WHR1: variants seen among roughly 807,000 people sequenced by gnomAD.
WHR1 encodes winged helix repair factor 1.
the WHR1 span, chr6:31,978,933 A>G: frequency 6.2e-7 from 1 of 1,612,506 alleles, no homozygotes; most frequent in Non-Finnish European, 8.5e-7. Flanking sequence ...GGAGATCAGA[A>G]TCGTCCAGCT....
chr6:31,972,509 C>T, the WHR1 span: 1 of 1,605,972 alleles, frequency 6.2e-7, no homozygotes, highest in African/African-American at 1.3e-5. The surrounding 1 kb of genome is among the most constrained non-coding windows in gnomAD (Gnocchi z 6.3). Flanking sequence ...CGGGGTGAGC[C>T]AGGTAACCAT....
chr6:31,973,382 T>TA, the WHR1 span: 1 of 200,752 alleles, frequency 5.0e-6, no homozygotes, highest in Middle Eastern at 2.0e-3. Flanking sequence ...ACAAAGGTAT[T>TA]AGACAGTTGG....
chr6:31,980,324 T>C, the WHR1 span: 1 of 854,970 alleles, frequency 1.2e-6, no homozygotes, highest in Admixed American at 2.9e-5. Flanking sequence ...GGCTGGGATT[T>C]TGTTATCCAG....
the WHR1 span, chr6:31,980,740 G>T: frequency 1.2e-6 from 2 of 1,607,526 alleles, no homozygotes; most frequent in African/African-American, 2.7e-5. Flanking sequence ...GGCGCCTGTC[G>T]TGGTGCGGCT....
At chr6:31,972,348 C>T in the WHR1 span, 1 of 1,613,144 alleles carries the variant, frequency 6.2e-7, no homozygotes, top group Non-Finnish European at 8.5e-7. This position sits in a 1 kb window ranked among gnomAD's most constrained non-coding sequence, Gnocchi z 6.3. Flanking sequence ...CGCCGGAAGA[C>T]CCTATTTTCA....
At chr6:31,979,680 C>T in the WHR1 span, 2 of 1,341,188 alleles carry the variant, frequency 1.5e-6, no homozygotes, top group Non-Finnish European at 2.0e-6. Context: ...GCTGACTCTT[C>T]TTGTTAATAA....
the WHR1 span, chr6:31,971,480 C>A: frequency 6.2e-7 from 1 of 1,614,074 alleles, no homozygotes; most frequent in Non-Finnish European, 8.5e-7. The surrounding 1 kb of genome is among the most constrained non-coding windows in gnomAD (Gnocchi z 4.5). Flanking sequence ...TAGCGCAGGG[C>A]TCGGGCATCT....
the WHR1 span, among the ~76,000 whole-genome samples, chr6:31,976,234 C>T: frequency 3.3e-5 from 5 of 151,558 alleles, no homozygotes; most frequent in Admixed American, 2.6e-4. Flanking sequence ...CCTCACCTCC[C>T]GGACGGGGTG....
At chr6:31,971,306 C>T in the WHR1 span, 1 of 1,538,434 alleles carries the variant, frequency 6.5e-7, no homozygotes, top group Admixed American at 2.0e-5. The surrounding 1 kb of genome is among the most constrained non-coding windows in gnomAD (Gnocchi z 4.5). Flanking sequence ...TACTGCCTAC[C>T]ACGCTTTGCT....
At chr6:31,980,136 TC>T in the WHR1 span, 1 of 364,230 alleles carries the variant, frequency 2.7e-6, no homozygotes, top group Non-Finnish European at 5.0e-6. Flanking sequence ...CTGATTCCTC[TC>T]CTCGGTCCTA....
chr6:31,974,542 A>AC, the WHR1 span, among the ~76,000 whole-genome samples: 1 of 152,196 alleles, frequency 6.6e-6, no homozygotes. Flanking sequence ...ACAAAGTGAG[A>AC]CCCCATCTTT....
the WHR1 span, among the ~76,000 whole-genome samples, chr6:31,976,609 A>G: frequency 9.7e-5 from 13 of 134,382 alleles, no homozygotes; most frequent in African/African-American, 1.4e-4. Context: ...ATGGGCGGCC[A>G]GGCAGAGACG....
chr6:31,972,280 C>T, the WHR1 span: 5 of 1,613,142 alleles, frequency 3.1e-6, no homozygotes, highest in Non-Finnish European at 2.5e-6. The surrounding 1 kb of genome is among the most constrained non-coding windows in gnomAD (Gnocchi z 6.3). Flanking sequence ...GTTGACGCTC[C>T]TTTCGTCATC....
chr6:31,977,742 G>A, the WHR1 span, among the ~76,000 whole-genome samples: 2 of 151,130 alleles, frequency 1.3e-5, 1 homozygote, highest in East Asian at 3.9e-4. Flanking sequence ...CACCCTTAGC[G>A]TCCCAAAGTG....
chr6:31,971,210 A>G, the WHR1 span: 5 of 1,580,250 alleles, frequency 3.2e-6, no homozygotes, highest in East Asian at 1.1e-4. The surrounding 1 kb of genome is among the most constrained non-coding windows in gnomAD (Gnocchi z 4.5). Context: ...CTCCCCTCGA[A>G]GAATAGTCTT....
the WHR1 span, chr6:31,980,474 T>C: frequency 1.9e-6 from 3 of 1,612,986 alleles, no homozygotes; most frequent in African/African-American, 4.0e-5. Context: ...GCTGGAGTCC[T>C]CACCGTCCGA....
chr6:31,977,953 A>G, the WHR1 span, among the ~76,000 whole-genome samples: 1 of 151,378 alleles, frequency 6.6e-6, no homozygotes, highest in Non-Finnish European at 1.5e-5. Context: ...ACGCCCGGCT[A>G]ATTTTTGTAG....
the WHR1 span, among the ~76,000 whole-genome samples, chr6:31,977,389 C>T: frequency 6.7e-6 from 1 of 148,186 alleles, no homozygotes; most frequent in South Asian, 2.1e-4. Context: ...GTCACCCAGG[C>T]TGGAGTTCAG....
the WHR1 span, chr6:31,972,380 A>G: frequency 3.7e-6 from 6 of 1,612,222 alleles, no homozygotes; most frequent in Admixed American, 1.7e-5. This position sits in a 1 kb window ranked among gnomAD's most constrained non-coding sequence, Gnocchi z 6.3. Flanking sequence ...CTCCATTCCT[A>G]CCCCTTCCCC....
Sources: allele counts gnomAD v4.1 joint callset (sites outside exome capture counted in the v4.1 genomes callset), GRCh38; gene constraint gnomAD v4.1.1; non-coding constraint Gnocchi (gnomAD v3.1); transcripts MANE v1.5; gene names NCBI Gene and HGNC (gene_info 2026-07-23, HGNC 2026-07-21).